The following PRELID2 variants were observed in gnomAD, a reference collection of about 807,000 sequenced individuals.
PRELID2 encodes the protein PRELI domain-containing protein 2.
Under a neutral mutation model 28.4 loss-of-function variants are expected in PRELID2, and 25 were observed. The ratio of observed to expected loss-of-function variants is 0.88; its 90% CI spans 0.64 to 1.23. The LOEUF (loss-of-function observed/expected upper bound fraction) is 1.23. PRELID2 is among the 50% of genes most tolerant of loss of function. The pLI is 0.00. For missense variants in PRELID2, 201 were observed against 214.4 expected (o/e 0.94, Z 0.39); for synonymous variants, 76 against 71.6 (o/e 1.06, Z -0.31).
chr5:145,285,370 A>G, the PRELID2 span, among the ~76,000 whole-genome samples: 1 of 152,164 alleles, frequency 6.6e-6, no homozygotes, highest in Non-Finnish European at 1.5e-5. Context: ...TACTGCCTCC[A>G]GAGTTCTCCA....
At chr5:145,370,143 T>C in the PRELID2 span, among the ~76,000 whole-genome samples, 2 of 152,088 alleles carry the variant, frequency 1.3e-5, no homozygotes, top group Non-Finnish European at 2.9e-5. Context: ...CATTTGTCAA[T>C]TTTGGGTTTT....
intron 1 of PRELID2, among the ~76,000 whole-genome samples, chr5:145,710,098 G>A (rs557296494): frequency 6.6e-6 from 1 of 152,092 alleles, no homozygotes; most frequent in Non-Finnish European, 1.5e-5. Context: ...TAATCCAAAG[G>A]AACTTTTTCC....
chr5:145,360,025 G>A, the PRELID2 span, among the ~76,000 whole-genome samples: 1 of 152,164 alleles, frequency 6.6e-6, no homozygotes, highest in African/African-American at 2.4e-5. Context: ...GACCTGCTGA[G>A]GTATATGAAG....
intron 1 of PRELID2, chr5:145,826,054 C>T (rs1197009828): frequency 2.0e-6 from 2 of 985,280 alleles, no homozygotes; most frequent in Non-Finnish European, 2.4e-6. Flanking sequence ...CAAACACAAT[C>T]CAGTATGACT....
At position 145,627,097 on chromosome 5, in the gene PRELID2, C is replaced by CAAAAAAAAAA. The variant is rs745309247; in HGVS notation, n.70+137824_70+137833dup. ...CCTGGGTGACAGAGTAAGACTCTCC[C>CAAAAAAAAAA]AAAAAAAAAAAAAAAAAAAAAAAAA... On this transcript the variant is annotated intron_variant and non_coding_transcript_variant, in intron 1 of 2. Coordinates refer to the PRELID2 transcript ENST00000510259. Among the ~76,000 whole-genome samples, 19 of 41,824 alleles carry CAAAAAAAAAA rather than the reference C, an allele frequency of 4.5e-4. 1 individual carries two copies. The highest frequency in any genetic ancestry group is 9.4e-4 in the East Asian group (1 of 1,066). 27.4% of individuals were successfully genotyped at this position (41,824 alleles called of 152,430 possible). A position where few individuals can be genotyped will look rare whatever the true frequency, so the allele number is the denominator to read the frequency against.
At chr5:145,662,443 G>A (rs925702379) in intron 1 of PRELID2, among the ~76,000 whole-genome samples, 1 of 152,108 alleles carries the variant, frequency 6.6e-6, no homozygotes, top group African/African-American at 2.4e-5. Context: ...ACAGTGTAGG[G>A]AGAAAGAAAA....
At chr5:145,323,937 G>A in the PRELID2 span, among the ~76,000 whole-genome samples, 53 of 152,292 alleles carry the variant, frequency 3.5e-4, no homozygotes, top group African/African-American at 1.2e-3. Context: ...ACATGCATGT[G>A]TCTTTATGGT....
At chr5:145,384,590 C>T in the PRELID2 span, among the ~76,000 whole-genome samples, 1 of 152,200 alleles carries the variant, frequency 6.6e-6, no homozygotes, top group Middle Eastern at 3.4e-3. Flanking sequence ...GCTGTTCTTG[C>T]ATTACTATAA....
chr5:145,492,015 T>C (rs969205985), intron 1 of PRELID2, among the ~76,000 whole-genome samples: 4 of 152,212 alleles, frequency 2.6e-5, no homozygotes, highest in African/African-American at 9.6e-5. Flanking sequence ...GGAGTGCAGA[T>C]ATCATTTGAC....
At chr5:145,711,746 CG>C (rs1361480053) in intron 1 of PRELID2, among the ~76,000 whole-genome samples, 1 of 147,706 alleles carries the variant, frequency 6.8e-6, no homozygotes, top group Non-Finnish European at 1.5e-5. Context: ...GGTTGGGGGG[CG>C]GGGGCAAGAG....
At chr5:145,609,157 C>G (rs112902390) in intron 1 of PRELID2, among the ~76,000 whole-genome samples, 1 of 152,112 alleles carries the variant, frequency 6.6e-6, no homozygotes, top group Non-Finnish European at 1.5e-5. Flanking sequence ...TTTTATCTCC[C>G]GTGTCCTTTT....
At chr5:145,683,516 G>C (rs1042938190) in intron 1 of PRELID2, among the ~76,000 whole-genome samples, 22 of 152,124 alleles carry the variant, frequency 1.4e-4, no homozygotes, top group Admixed American at 1.4e-3. Flanking sequence ...CTCTCTCCTA[G>C]ACTTTCAGAT....
chr5:145,785,815 C>T (rs1055105491), intron 5 of PRELID2, among the ~76,000 whole-genome samples: 3 of 152,220 alleles, frequency 2.0e-5, no homozygotes, highest in African/African-American at 7.2e-5. Context: ...AAGACCTTCA[C>T]CCTCCAACTT....
At chr5:145,653,460 C>A (rs1471670404) in intron 1 of PRELID2, among the ~76,000 whole-genome samples, 2 of 152,222 alleles carry the variant, frequency 1.3e-5, no homozygotes, top group Admixed American at 6.5e-5. Flanking sequence ...TTCTAAGCAC[C>A]ACGTCGCAAT....
At chr5:145,622,315 A>C (rs1753784611) in intron 1 of PRELID2, among the ~76,000 whole-genome samples, 1 of 152,138 alleles carries the variant, frequency 6.6e-6, no homozygotes, top group Admixed American at 6.5e-5. Flanking sequence ...AAATAGGTAA[A>C]TTGTATGATA....
intron 1 of PRELID2, among the ~76,000 whole-genome samples, chr5:145,569,827 T>C (rs1753001828): frequency 6.6e-6 from 1 of 152,238 alleles, no homozygotes; most frequent in African/African-American, 2.4e-5. Flanking sequence ...TTTTTGCTAG[T>C]TGTCCATCAC....
chr5:145,744,692 A>C (rs1756941200), intron 1 of PRELID2, among the ~76,000 whole-genome samples: 1 of 152,070 alleles, frequency 6.6e-6, no homozygotes, highest in African/African-American at 2.4e-5. Context: ...GCCGCACAAA[A>C]ACCCTACCCA....
chr5:145,789,637 A>G (rs1752234988), intron 5 of PRELID2, among the ~76,000 whole-genome samples: 1 of 152,186 alleles, frequency 6.6e-6, no homozygotes, highest in East Asian at 1.9e-4. Context: ...AAAAACAGAC[A>G]AATAAGATTG....
intron 1 of PRELID2, among the ~76,000 whole-genome samples, chr5:145,722,334 C>CT (rs1756013453): frequency 6.6e-6 from 1 of 152,158 alleles, no homozygotes; most frequent in African/African-American, 2.4e-5. Context: ...GAGTCTCGCT[C>CT]TGTCTCCCAG....
Sources: allele counts gnomAD v4.1 joint callset (sites outside exome capture counted in the v4.1 genomes callset), GRCh38; gene constraint gnomAD v4.1.1; transcripts MANE v1.5; gene names NCBI Gene and HGNC (gene_info 2026-07-23, HGNC 2026-07-21).